SPACA7: variants seen among roughly 807,000 people sequenced by gnomAD.
SPACA7 encodes sperm acrosome-associated protein 7.
Under a neutral mutation model 26.3 loss-of-function variants are expected in SPACA7, and 19 were observed. That is an observed-to-expected ratio of 0.72 (90% CI 0.50 to 1.06). The LOEUF (loss-of-function observed/expected upper bound fraction) is 1.06, where lower values mean the gene tolerates loss of function less well. Ranked by LOEUF, SPACA7 falls within the 50% of genes least tolerant of loss-of-function variation. The pLI, the probability that SPACA7 is intolerant of heterozygous loss-of-function variation, is 0.00. For synonymous variants in SPACA7, 84 were observed against 84.5 expected (o/e 0.99, Z 0.04); for missense variants, 211 against 229.9 (o/e 0.92, Z 0.53).
At chr13:112,429,303 G>A (rs1033895517) in intron 5 of SPACA7, among the ~76,000 whole-genome samples, 10 of 151,706 alleles carry the variant, frequency 6.6e-5, no homozygotes, top group African/African-American at 2.4e-4. Context: ...TTTAGCCCAG[G>A]AGGTCATGAC....
In SPACA7 at chr13:112,383,068, A is replaced by G. The variant is rs57907603; in HGVS notation, c.94+6589A>G. Among the ~76,000 whole-genome samples the G allele has an allele frequency of 7.9e-3, 654 of 82,272 alleles. 2 individuals carry two copies. The highest frequency in any genetic ancestry group is 0.026 in the African/African-American group (480 of 18,684). The allele number at this position is 82,272 out of a possible 152,430, so 54.0% of individuals were successfully genotyped here. A position where few individuals can be genotyped will look rare whatever the true frequency, so the allele number is the denominator to read the frequency against. On this transcript the variant is annotated intron_variant, in intron 1 of 6. Transcript: ENST00000283550. ...AGACAGAAGGAAAGAAAGAGACAGA[A>G]AGAGAAAGAAAGAAAAAGAAAGAAA...
intron 5 of SPACA7, among the ~76,000 whole-genome samples, chr13:112,416,289 T>TTGTTG (rs34676220): frequency 0.18 from 17,501 of 99,768 alleles, 1,295 homozygotes; most frequent in East Asian, 0.33. Context: ...GTTGTTGTTG[T>TTGTTG]TTGTTGTTGT....
At chr13:112,410,379 A>G (rs188117654) in intron 5 of SPACA7, among the ~76,000 whole-genome samples, 1 of 152,012 alleles carries the variant, frequency 6.6e-6, no homozygotes, top group East Asian at 1.9e-4. Flanking sequence ...AAAAATATAT[A>G]TATATATTCC....
chr13:112,410,952 T>A (rs9603894), intron 5 of SPACA7, among the ~76,000 whole-genome samples: 14,573 of 152,178 alleles, frequency 0.096, 1,592 homozygotes, highest in East Asian at 0.28. Context: ...CATTTCTTTA[T>A]TTTTAACCAC....
At position 112,398,138 on chromosome 13, in the gene SPACA7, C is replaced by G. The variant is rs149389666; in HGVS notation, c.241C>G (p.His81Asp). The change falls in exon 3 of 7, where the codon CAT (histidine) becomes GAT (aspartate). Residue 81 changes from histidine to aspartate, a missense_variant and splice_region_variant. Coordinates refer to ENST00000283550, the MANE Select transcript of SPACA7 (RefSeq NM_145248.5). ...AGCATCAACATTATCAACACCGTTA[C>G]GTAAGGAGAAAAGCAAGCACACCCC... ...STASTLSTPLHAGIDENYQAG... is the reference protein window; with the variant it reads ...STASTLSTPLDAGIDENYQAG... 11 of 1,611,938 alleles carry G rather than the reference C, an allele frequency of 6.8e-6. No individual in the cohort carries two copies. Among genetic ancestry groups the G allele is most frequent in the African/African-American group, 5.3e-5 (4 of 74,854 alleles).
intron 1 of SPACA7, among the ~76,000 whole-genome samples, chr13:112,378,218 G>T (rs899525352): frequency 6.6e-6 from 1 of 152,136 alleles, no homozygotes; most frequent in African/African-American, 2.4e-5. Context: ...ACTCTAAAAG[G>T]CTTCAGGATC....
chr13:112,410,724 C>T (rs1886295778), intron 5 of SPACA7, among the ~76,000 whole-genome samples: 1 of 151,860 alleles, frequency 6.6e-6, no homozygotes, highest in African/African-American at 2.4e-5. Flanking sequence ...GGTGCAGCCA[C>T]TGCAGAAGAC....
intron 5 of SPACA7, among the ~76,000 whole-genome samples, chr13:112,411,515 T>C (rs1274434572): frequency 1.3e-5 from 2 of 152,150 alleles, no homozygotes; most frequent in African/African-American, 2.4e-5. Flanking sequence ...CACCCTACCG[T>C]GCTGCCAAAT....
chr13:112,394,927 T>A (rs1885140148), intron 2 of SPACA7, among the ~76,000 whole-genome samples: 1 of 152,122 alleles, frequency 6.6e-6, no homozygotes, highest in Non-Finnish European at 1.5e-5. Context: ...CTTACCCCCA[T>A]CCACACCCCC....
chr13:112,393,173 G>C lies in SPACA7; in HGVS notation c.151+96G>C, dbSNP rs560211283. On this transcript the variant is annotated intron_variant, in intron 2 of 6. Coordinates refer to ENST00000283550, the MANE Select transcript of SPACA7 (RefSeq NM_145248.5). ...CCCAGATAACCTGGTACCAACTGCAGACAGTGGAGGGAACTGATTGGTTTG... is the reference window on the plus strand; with the variant it reads ...CCCAGATAACCTGGTACCAACTGCACACAGTGGAGGGAACTGATTGGTTTG... 3.6e-5 allele frequency: 34 copies of C among 941,850 alleles called. No homozygotes were observed. In the African/African-American group the frequency reaches 4.2e-4, roughly 12 times the overall value. 58.3% of individuals were successfully genotyped at this position (941,850 alleles called of 1,614,324 possible). A position where few individuals can be genotyped will look rare whatever the true frequency, so the allele number is the denominator to read the frequency against.
chr13:112,412,559 G>A (rs1886417219), intron 5 of SPACA7, among the ~76,000 whole-genome samples: 1 of 152,148 alleles, frequency 6.6e-6, no homozygotes, highest in East Asian at 1.9e-4. Context: ...TTTTTCTAAT[G>A]TTTACTTCTA....
intron 6 of SPACA7, among the ~76,000 whole-genome samples, chr13:112,433,112 C>T (rs1877340961): frequency 6.6e-6 from 1 of 151,784 alleles, no homozygotes; most frequent in Non-Finnish European, 1.5e-5. Flanking sequence ...CTCTTGTCCT[C>T]CCGGTATCCC....
chr13:112,388,709 G>A (rs546060110), intron 1 of SPACA7, among the ~76,000 whole-genome samples: 82 of 152,378 alleles, frequency 5.4e-4, no homozygotes, highest in Non-Finnish European at 1.1e-3. Context: ...AATAGAGAAA[G>A]AGTAATTCAC....
At chr13:112,419,955 T>A (rs914617648) in intron 5 of SPACA7, among the ~76,000 whole-genome samples, 4 of 152,218 alleles carry the variant, frequency 2.6e-5, no homozygotes, top group African/African-American at 9.6e-5. Flanking sequence ...TCTGGCCCCC[T>A]AGCTCATACT....
chr13:112,417,016 T>TG (rs1166458140), intron 5 of SPACA7, among the ~76,000 whole-genome samples: 1 of 152,200 alleles, frequency 6.6e-6, no homozygotes, highest in African/African-American at 2.4e-5. Flanking sequence ...TTTATACTTT[T>TG]TTTTTTCATT....
chr13:112,377,771 T>C (rs1219683577), intron 1 of SPACA7, among the ~76,000 whole-genome samples: 2 of 152,222 alleles, frequency 1.3e-5, no homozygotes, highest in African/African-American at 4.8e-5. Context: ...AGAAGAGACA[T>C]TCCTTTTCTC....
At position 112,383,121 on chromosome 13, in the gene SPACA7, A is replaced by AAAG. The variant is rs1555324432; in HGVS notation, c.94+6644_94+6645insGAA. Among the ~76,000 whole-genome samples, 218 of 33,906 alleles carry AAAG rather than the reference A, an allele frequency of 6.4e-3. 4 individuals carry two copies. Among genetic ancestry groups the AAAG allele is most frequent in the African/African-American group, 0.022 (207 of 9,278 alleles). 22.2% of individuals were successfully genotyped at this position (33,906 alleles called of 152,430 possible). A position where few individuals can be genotyped will look rare whatever the true frequency, so the allele number is the denominator to read the frequency against. ...AAGAAGAAAGAAAAGAAAAGAAAAG[A>AAAG]AAAGAAAGAAAGAAAGAAAGAAAGA... is the stretch of plus-strand genomic sequence containing the variant. On this transcript the variant is annotated intron_variant, in intron 1 of 6. Coordinates refer to ENST00000283550, the MANE Select transcript of SPACA7 (RefSeq NM_145248.5).
chr13:112,422,939 T>A (rs1357430895), intron 5 of SPACA7, among the ~76,000 whole-genome samples: 1 of 152,240 alleles, frequency 6.6e-6, no homozygotes, highest in East Asian at 1.9e-4. Flanking sequence ...AAAATCAGAT[T>A]CATTGAACAA....
intron 5 of SPACA7, among the ~76,000 whole-genome samples, chr13:112,424,540 A>G (rs1326775116): frequency 2.0e-5 from 3 of 152,194 alleles, no homozygotes; most frequent in Non-Finnish European, 4.4e-5. Flanking sequence ...CATTAAAAGA[A>G]AAATCCATCC....
Sources: allele counts gnomAD v4.1 joint callset (sites outside exome capture counted in the v4.1 genomes callset), GRCh38; gene constraint gnomAD v4.1.1; transcripts MANE v1.5; gene names NCBI Gene and HGNC (gene_info 2026-07-23, HGNC 2026-07-21).